CACNA1D: variants seen among roughly 807,000 people sequenced by gnomAD.
CACNA1D encodes the protein calcium voltage-gated channel subunit alpha1 D, also known as voltage-dependent L-type calcium channel subunit alpha-1D.
Under a neutral mutation model 257.1 loss-of-function variants are expected in CACNA1D, and 55 were observed. The ratio of observed to expected loss-of-function variants is 0.21; its 90% CI spans 0.17 to 0.27. The LOEUF (loss-of-function observed/expected upper bound fraction) is 0.27. CACNA1D is among the 10% of genes least tolerant of loss of function. The pLI is 1.00. For synonymous variants in CACNA1D, 980 were observed against 1,014.9 expected (o/e 0.97, Z 0.65); for missense variants, 1,876 against 2,784.0 (o/e 0.67, Z 7.34).
intron 3 of CACNA1D, among the ~76,000 whole-genome samples, chr3:53,534,803 A>G (rs1266567746): frequency 6.6e-6 from 1 of 152,198 alleles, no homozygotes; most frequent in Non-Finnish European, 1.5e-5. Flanking sequence ...ATGTCTTTTC[A>G]TACACATATT....
intron 3 of CACNA1D, among the ~76,000 whole-genome samples, chr3:53,626,141 C>T (rs1317828865): frequency 2.0e-5 from 3 of 152,202 alleles, no homozygotes; most frequent in Admixed American, 2.0e-4. Flanking sequence ...AGGGGGACCC[C>T]TCAGAGGTGA....
chr3:53,811,570 G>T lies in CACNA1D; in HGVS notation c.*164G>T. On this transcript the variant is annotated 3_prime_UTR_variant, in exon 48 of 48. Transcript: ENST00000350061. The surrounding 1 kb of genome is among the most constrained non-coding windows in gnomAD (Gnocchi z 4.2). The stretch of plus-strand genomic sequence containing the variant: ...ATGCCTCAAGAAAGCCATAAACCTG[G>T]TAGGAACAGGTCCCAAGCGGTTGAG... 1.6e-6 allele frequency: 1 copy of T among 621,380 alleles called. No homozygotes were observed. Among genetic ancestry groups the T allele is most frequent in the Admixed American group, 3.2e-5 (1 of 31,208 alleles). The allele number at this position is 621,380 out of a possible 1,614,324, so 38.5% of individuals were successfully genotyped here.
chr3:53,520,905 TTTTC>T (rs1559785321), intron 3 of CACNA1D, among the ~76,000 whole-genome samples: 2 of 125,620 alleles, frequency 1.6e-5, no homozygotes, highest in African/African-American at 3.0e-5. Context: ...TTTTCTTTTC[TTTTC>T]TTTTCTTTTT....
intron 5 of CACNA1D, among the ~76,000 whole-genome samples, chr3:53,665,003 C>A (rs1213010532): frequency 1.3e-5 from 2 of 152,212 alleles, no homozygotes; most frequent in African/African-American, 2.4e-5. Flanking sequence ...CAGTAGATAA[C>A]CTCAATGAGC....
chr3:53,652,192 C>A (rs2094104675), intron 4 of CACNA1D, among the ~76,000 whole-genome samples: 1 of 152,152 alleles, frequency 6.6e-6, no homozygotes, highest in African/African-American at 2.4e-5. Context: ...TCTGGCTGTG[C>A]CTCTTCTGCC....
chr3:53,720,870 C>T (rs76517039), intron 11 of CACNA1D, among the ~76,000 whole-genome samples: 2,067 of 152,294 alleles, frequency 0.014, 54 homozygotes, highest in African/African-American at 0.046. Context: ...ATATTTACCA[C>T]GTTTATATTT....
chr3:53,665,050 C>T (rs1576283448), intron 5 of CACNA1D, among the ~76,000 whole-genome samples: 1 of 151,924 alleles, frequency 6.6e-6, no homozygotes, highest in Non-Finnish European at 1.5e-5. Flanking sequence ...GCAAACCTGG[C>T]GGTAGGCACA....
chr3:53,747,550 G>A (rs1267373632), intron 26 of CACNA1D, 102 bp downstream of exon 26: 46 of 1,251,342 alleles, frequency 3.7e-5, no homozygotes, highest in Admixed American at 1.2e-4. Flanking sequence ...CAGTGTCGCA[G>A]GATTGCCCTG....
intron 3 of CACNA1D, among the ~76,000 whole-genome samples, chr3:53,528,642 C>T (rs2091847131): frequency 6.6e-6 from 1 of 152,302 alleles, no homozygotes; most frequent in South Asian, 2.1e-4. Context: ...AGCTTAAGAA[C>T]ATTGAGTCTT....
intron 3 of CACNA1D, among the ~76,000 whole-genome samples, chr3:53,547,671 G>A (rs1394148120): frequency 6.6e-6 from 1 of 152,158 alleles, no homozygotes; most frequent in Non-Finnish European, 1.5e-5. Flanking sequence ...CTCCGAGGAG[G>A]CACATTTTGA....
intron 3 of CACNA1D, among the ~76,000 whole-genome samples, chr3:53,636,564 C>T (rs1290247440): frequency 6.6e-6 from 1 of 152,202 alleles, no homozygotes; most frequent in Non-Finnish European, 1.5e-5. Flanking sequence ...GCCTTGGCCC[C>T]CACGAAGTGC....
intron 3 of CACNA1D, among the ~76,000 whole-genome samples, chr3:53,568,273 A>G (rs2092882706): frequency 6.6e-6 from 1 of 152,320 alleles, no homozygotes; most frequent in East Asian, 1.9e-4. Flanking sequence ...ATTCTTTAAA[A>G]TGACCACTGA....
chr3:53,693,955 T>C (rs918621115), intron 8 of CACNA1D, among the ~76,000 whole-genome samples: 5 of 152,344 alleles, frequency 3.3e-5, no homozygotes, highest in Admixed American at 2.6e-4. Context: ...TAAATCAAGA[T>C]GACTTCCAGT....
At chr3:53,502,001 C>T (rs1422923991) in intron 3 of CACNA1D, among the ~76,000 whole-genome samples, 1 of 151,304 alleles carries the variant, frequency 6.6e-6, no homozygotes, top group African/African-American at 2.4e-5. Flanking sequence ...GTTATCTCCA[C>T]ATAAGTTTTT....
At chr3:53,699,902 T>C (rs2094605840) in intron 8 of CACNA1D, among the ~76,000 whole-genome samples, 1 of 151,978 alleles carries the variant, frequency 6.6e-6, no homozygotes, top group South Asian at 2.1e-4. Context: ...CAGTGGAAAA[T>C]GTACAACAGT....
At chr3:53,769,378 G>A (rs191814268) in intron 30 of CACNA1D, among the ~76,000 whole-genome samples, 2 of 152,238 alleles carry the variant, frequency 1.3e-5, no homozygotes, top group African/African-American at 4.8e-5. Flanking sequence ...GGGGCAGGCA[G>A]CGAGGGTTTC....
chr3:53,665,768 T>C lies in CACNA1D; in HGVS notation c.875T>C (p.Leu292Pro). Residue 292 changes from leucine (L) to proline (P), a missense_variant, in exon 6 of 48, where the codon CTT (leucine) becomes CCT (proline). By Grantham distance (98) the Leu-to-Pro change is moderately conservative (BLOSUM62 -3). Transcript: ENST00000350061. ...ATCTATGCTATTATAGGATTGGAAC[T>C]TTTTATTGGAAAAATGCACAAAACA... ...IIIYAIIGLELFIGKMHKTCF... is the reference protein window; with the variant it reads ...IIIYAIIGLEPFIGKMHKTCF... 1 of 1,611,990 alleles carries C rather than the reference T, an allele frequency of 6.2e-7. No individual in the cohort carries two copies. Among genetic ancestry groups the C allele is most frequent in the Non-Finnish European group, 8.5e-7 (1 of 1,178,222 alleles).
At chr3:53,653,856 AATAAAC>A (rs2094122610) in intron 4 of CACNA1D, among the ~76,000 whole-genome samples, 1 of 105,070 alleles carries the variant, frequency 9.5e-6, no homozygotes, top group Non-Finnish European at 1.9e-5. Context: ...GCCTGAGCAA[AATAAAC>A]ATGAAAAAAG....
intron 3 of CACNA1D, among the ~76,000 whole-genome samples, chr3:53,532,425 C>T (rs1193815004): frequency 6.6e-6 from 1 of 152,170 alleles, no homozygotes; most frequent in African/African-American, 2.4e-5. Flanking sequence ...TTTTTTCTAT[C>T]CCACTGAGGT....
Sources: allele counts gnomAD v4.1 joint callset (sites outside exome capture counted in the v4.1 genomes callset), GRCh38; gene constraint gnomAD v4.1.1; non-coding constraint Gnocchi (gnomAD v3.1); transcripts MANE v1.5; gene names NCBI Gene and HGNC (gene_info 2026-07-23, HGNC 2026-07-21).